SLIRP: variants seen among roughly 807,000 people sequenced by gnomAD.
SLIRP encodes the protein SRA stem-loop interacting RNA binding protein, also known as SRA stem-loop-interacting RNA-binding protein, mitochondrial.
SLIRP carries 12 observed loss-of-function variants against 13.4 expected under a neutral mutation model. The observed-to-expected ratio is 0.89, with a 90% CI of 0.57 to 1.45. The LOEUF is 1.45. Ranked by LOEUF, SLIRP falls within the 40% of genes most tolerant of loss-of-function variation. The probability of loss-of-function intolerance (pLI) is 0.00; values close to 1 mark genes in which losing one functional copy is unlikely to be tolerated. For synonymous variants in SLIRP, 55 were observed against 47.1 expected, an observed-to-expected ratio of 1.17 and a Z score of -0.69; for missense variants, 154 against 132.2, an observed-to-expected ratio of 1.17 and a Z score of -0.81.
upstream of SLIRP, chr14:77,708,098 G>C (rs1430437773): frequency 1.2e-6 from 2 of 1,613,554 alleles, no homozygotes; most frequent in Non-Finnish European, 1.7e-6. Context: ...TCGAGAAGGT[G>C]CTTTAGTCTG....
intron 2 of SLIRP, 63 bp downstream of exon 2, chr14:77,710,959 T>C: frequency 7.3e-7 from 1 of 1,365,340 alleles, no homozygotes; most frequent in South Asian, 1.2e-5. Flanking sequence ...AAAAATAGAA[T>C]GAATAAGACC....
intron 2 of SLIRP, among the ~76,000 whole-genome samples, chr14:77,714,922 T>C (rs184627137): frequency 2.3e-4 from 35 of 152,280 alleles, no homozygotes; most frequent in Middle Eastern, 6.8e-3. Flanking sequence ...CTAGAATCTG[T>C]TTTCCGTATG....
chr14:77,708,105 T>G lies in SLIRP; in HGVS notation c.-7T>G. 6.2e-7 allele frequency: 1 copy of G among 1,613,880 alleles called. No homozygotes were observed. The highest frequency in any genetic ancestry group is 8.5e-7 in the Non-Finnish European group (1 of 1,179,986). ...ACCTCGGCTCGAGAAGGTGCTTTAGTCTGAAGATGGCGGCCTCAGCAGCGA... is the reference window on the plus strand; with the variant it reads ...ACCTCGGCTCGAGAAGGTGCTTTAGGCTGAAGATGGCGGCCTCAGCAGCGA... On this transcript the variant is annotated 5_prime_UTR_variant, in exon 1 of 4. Transcript: ENST00000557342.
Position 77,717,527 on chromosome 14 carries a change from C to G in SLIRP, c.296C>G (p.Pro99Arg). 6.2e-7 allele frequency: 1 copy of G among 1,613,922 alleles called. No homozygotes were observed. Among genetic ancestry groups the G allele is most frequent in the Non-Finnish European group, 8.5e-7 (1 of 1,179,992 alleles). ...VQVHTRRPKLPQTSDDEKKDF is the reference protein window; with the variant it reads ...VQVHTRRPKLRQTSDDEKKDF Reference sequence around the variant, plus strand: ...GTTCACACTAGAAGGCCAAAACTTCCGCAAACATCTGATGATGAAAAGAAA... The same window carrying G: ...GTTCACACTAGAAGGCCAAAACTTCGGCAAACATCTGATGATGAAAAGAAA... Residue 99 changes from proline (P) to arginine (R), a missense_variant, in exon 4 of 4, where the codon CCG (proline) becomes CGG (arginine). Physicochemically the swap from Pro to Arg is moderately radical, Grantham distance 103. Transcript: ENST00000557342.
chr14:77,711,973 C>G (rs910632103), intron 2 of SLIRP: 3 of 152,334 alleles, frequency 2.0e-5, no homozygotes, highest in African/African-American at 7.2e-5. Context: ...GCGTGAGCCA[C>G]TGTGCCCGGC....
chr14:77,717,527 C>T lies in SLIRP; in HGVS notation c.296C>T (p.Pro99Leu), dbSNP rs375697136. 11 of 1,613,804 alleles carry T rather than the reference C, an allele frequency of 6.8e-6. No individual in the cohort carries two copies. Among genetic ancestry groups the T allele is most frequent in the African/African-American group, 4.0e-5 (3 of 74,852 alleles). ...GTTCACACTAGAAGGCCAAAACTTC[C>T]GCAAACATCTGATGATGAAAAGAAA... is the stretch of plus-strand genomic sequence containing the variant. ...VQVHTRRPKL[P>L]QTSDDEKKDF Residue 99 changes from proline to leucine, a missense_variant, in exon 4 of 4, where the codon CCG (proline) becomes CTG (leucine). Pro to Leu is a moderately conservative substitution (Grantham distance 98, BLOSUM62 -3). Coordinates refer to ENST00000557342, the MANE Select transcript of SLIRP (RefSeq NM_031210.6).
At chr14:77,715,327 T>A (rs2080467822) in intron 2 of SLIRP, among the ~76,000 whole-genome samples, 1 of 152,164 alleles carries the variant, frequency 6.6e-6, no homozygotes, top group Non-Finnish European at 1.5e-5. Flanking sequence ...AAAGCAAGGT[T>A]ACTGACACTT....
In SLIRP at chr14:77,717,529, C is replaced by T. The variant is rs1327456801; in HGVS notation, c.298C>T (p.Gln100Ter). 1 of 1,613,944 alleles carries T rather than the reference C, an allele frequency of 6.2e-7. No individual in the cohort carries two copies. Among genetic ancestry groups the T allele is most frequent in the African/African-American group, 1.3e-5 (1 of 74,924 alleles). Residue 100 changes from glutamine to a stop codon, truncating the protein, a stop_gained, in exon 4 of 4, where the codon CAA becomes TAA. Coordinates refer to ENST00000557342, the MANE Select transcript of SLIRP (RefSeq NM_031210.6). LOFTEE classifies it high-confidence loss of function. ...TCACACTAGAAGGCCAAAACTTCCG[C>T]AAACATCTGATGATGAAAAGAAAGA... Reference protein sequence around the residue: ...QVHTRRPKLPQTSDDEKKDF With the variant: ...QVHTRRPKLP
At chr14:77,717,382 TA>T (rs2080494691) in intron 3 of SLIRP, 113 bp from the exon 4 acceptor site, 1 of 883,480 alleles carries the variant, frequency 1.1e-6, no homozygotes, top group Non-Finnish European at 1.8e-6. Context: ...AAGGGACAAA[TA>T]AAAACTGCCT....
chr14:77,710,999 T>A, intron 2 of SLIRP, 103 bp downstream of exon 2: 1 of 936,658 alleles, frequency 1.1e-6, no homozygotes, highest in Non-Finnish European at 1.7e-6. Context: ...GTGACTATGG[T>A]CAATAATAAT....
intron 3 of SLIRP, among the ~76,000 whole-genome samples, chr14:77,716,965 AT>A (rs1332136126): frequency 1.3e-5 from 2 of 151,918 alleles, no homozygotes; most frequent in Admixed American, 1.3e-4. Context: ...GGGTTTCATC[AT>A]GTTGGTCAGG....
rs2080412037 is a variant in SLIRP at position 77,708,297 on chromosome 14, T to A, written c.97+89T>A. On this transcript the variant is annotated intron_variant, in intron 1 of 3. Coordinates refer to ENST00000557342, the MANE Select transcript of SLIRP (RefSeq NM_031210.6). ...TTTTTGCAGGGTACTTAAGTCAGCGTGGTGGCTGAATTAGGAGACTGCTCC... is the reference window on the plus strand; with the variant it reads ...TTTTTGCAGGGTACTTAAGTCAGCGAGGTGGCTGAATTAGGAGACTGCTCC... 4.5e-6 allele frequency: 6 copies of A among 1,342,918 alleles called. No homozygotes were observed. The South Asian group carries it at 7.2e-5, about 16-fold the overall frequency. 83.2% of individuals were successfully genotyped at this position (1,342,918 alleles called of 1,614,324 possible).
At chr14:77,710,772 T>C (rs76566741) in intron 1 of SLIRP, 66 bp from the exon 2 acceptor site, 108,403 of 1,602,342 alleles carry the variant, frequency 0.068, 4,262 homozygotes, top group Non-Finnish European at 0.079. Context: ...ACCCTGTCTT[T>C]CTACAGTCTA....
At chr14:77,711,188 A>G (rs570825820) in intron 2 of SLIRP, among the ~76,000 whole-genome samples, 200 of 148,134 alleles carry the variant, frequency 1.4e-3, no homozygotes, top group Non-Finnish European at 2.3e-3. Context: ...CATGTACTCC[A>G]TAATAAATAT....
At chr14:77,709,334 GTTTT>G (rs1183005006) in intron 1 of SLIRP, among the ~76,000 whole-genome samples, 2 of 152,190 alleles carry the variant, frequency 1.3e-5, no homozygotes, top group African/African-American at 4.8e-5. Context: ...TTTCTTCTAA[GTTTT>G]TAGTGGCTCA....
Position 77,715,798 on chromosome 14 carries a change from T to G in SLIRP, c.183T>G (p.Gly61=), listed in dbSNP as rs2080472188. Residue 61 remains glycine (G), a synonymous_variant, in exon 3 of 4, where the codon GGT becomes GGG. Coordinates refer to ENST00000557342, the MANE Select transcript of SLIRP (RefSeq NM_031210.6). ...PFDKETGFHR[G]LGWVQFSSEE... ...ACAAGGAGACTGGCTTTCACAGAGG[T>G]TTGGGTTGGGTTCAGTTTTCTTCAG... 6.2e-7 allele frequency: 1 copy of G among 1,613,886 alleles called. No individual in the cohort carries two copies. The highest frequency in any genetic ancestry group is 8.5e-7 in the Non-Finnish European group (1 of 1,179,972).
Position 77,710,864 on chromosome 14 carries a change from T to C in SLIRP, c.124T>C (p.Phe42Leu). 4 of 1,614,152 alleles carry C rather than the reference T, an allele frequency of 2.5e-6. No homozygotes were observed. The highest frequency in any genetic ancestry group is 3.4e-6 in the Non-Finnish European group (4 of 1,180,026). ...SSQLKEHFAQ[F>L]GHVRRCILPF... ...TCAGCTGAAAGAACACTTTGCACAG[T>C]TCGGCCATGTCAGAAGGTGCATTTT... Residue 42 changes from phenylalanine to leucine, a missense_variant, in exon 2 of 4, where the codon TTC becomes CTC. Transcript: ENST00000557342.
In SLIRP at chr14:77,715,888, A is replaced by G. The variant is rs199700263; in HGVS notation, c.264+9A>G. The stretch of plus-strand genomic sequence containing the variant: ...TTATAGATGGAGTAAAGGTAAATTT[A>G]TTTCTATGCCAGATACATACATGAT... On this transcript the variant is annotated intron_variant, in intron 3 of 3. Transcript: ENST00000557342. The G allele has an allele frequency of 6.9e-6, 11 of 1,588,326 alleles. No homozygotes were observed. The East Asian group carries it at 2.5e-4, about 36-fold the overall frequency.
chr14:77,708,533 G>A (rs756351569), intron 1 of SLIRP, among the ~76,000 whole-genome samples: 4 of 152,200 alleles, frequency 2.6e-5, no homozygotes, highest in Non-Finnish European at 5.9e-5. Flanking sequence ...GATTGTAGGC[G>A]TGCAGAGGAG....
Sources: gnomAD v4.1 joint callset for allele counts (sites outside exome capture counted in the v4.1 genomes callset) on GRCh38, gnomAD v4.1.1 for gene constraint, MANE v1.5 for transcripts, NCBI Gene and HGNC (gene_info 2026-07-23, HGNC 2026-07-21) for gene names.